Variants in CTNNA3 observed in about 807,000 individuals in gnomAD.
CTNNA3 encodes catenin alpha-3.
In CTNNA3, 76 loss-of-function variants were observed where a neutral mutation model predicts 95.7. The ratio of observed to expected loss-of-function variants is 0.79; its 90% CI spans 0.66 to 0.96. The LOEUF is 0.96. Ranked by LOEUF, CTNNA3 falls within the 40% of genes least tolerant of loss-of-function variation. CTNNA3 has a pLI of 0.00. For missense variants in CTNNA3, 1,191 were observed against 1,089.8 expected, an observed-to-expected ratio of 1.09 and a Z score of -1.31; for synonymous variants, 431 against 374.4, an observed-to-expected ratio of 1.15 and a Z score of -1.74.
chr10:66,669,245 A>C (rs1370180961), intron 9 of CTNNA3, among the ~76,000 whole-genome samples: 2 of 152,086 alleles, frequency 1.3e-5, no homozygotes, highest in Non-Finnish European at 2.9e-5. Context: ...AGATCATGTT[A>C]AAAGAAATCT....
rs887137391 is a variant in CTNNA3, at chr10:67,431,589, T to C, written c.579+90253A>G. Among the ~76,000 whole-genome samples the C allele has an allele frequency of 1.4e-4, 21 of 151,874 alleles. 1 individual carries two copies. Among genetic ancestry groups the C allele is most frequent in the African/African-American group, 4.3e-4 (18 of 41,448 alleles). ...AGATACGGGTACAAAATGCAGCAAA[T>C]GACAAGAAGATGCAGCCTGAAGGGT... On this transcript the variant is annotated intron_variant, in intron 5 of 17. Transcript: ENST00000433211.
chr10:66,403,524 C>G (rs1454181697), intron 11 of CTNNA3, among the ~76,000 whole-genome samples: 1 of 152,146 alleles, frequency 6.6e-6, no homozygotes, highest in Non-Finnish European at 1.5e-5. Context: ...AACTGACTCA[C>G]TATCATGAGA....
intron 7 of CTNNA3, among the ~76,000 whole-genome samples, chr10:67,107,874 C>G (rs1858733659): frequency 6.6e-6 from 1 of 152,180 alleles, no homozygotes; most frequent in Non-Finnish European, 1.5e-5. Context: ...CTGTGTGGAA[C>G]TTGGGATTCA....
chr10:67,651,665 T>G (rs1839881074), intron 1 of CTNNA3, among the ~76,000 whole-genome samples: 1 of 152,212 alleles, frequency 6.6e-6, no homozygotes, highest in East Asian at 1.9e-4. Flanking sequence ...TAATCTACCT[T>G]TTTCATTTCG....
chr10:66,775,239 A>T (rs1225624754), intron 8 of CTNNA3, among the ~76,000 whole-genome samples: 1 of 152,224 alleles, frequency 6.6e-6, no homozygotes, highest in Non-Finnish European at 1.5e-5. Context: ...CTGTCTGATA[A>T]GGCACACATT....
chr10:67,003,834 T>C (rs1455679544), intron 7 of CTNNA3, among the ~76,000 whole-genome samples: 1 of 152,050 alleles, frequency 6.6e-6, no homozygotes, highest in African/African-American at 2.4e-5. Context: ...TAGCAGAGGG[T>C]GGTTGATTTT....
At chr10:66,098,078 C>G (rs2081469559) in intron 14 of CTNNA3, 1 of 151,928 alleles carries the variant, frequency 6.6e-6, no homozygotes, top group Admixed American at 6.6e-5. Flanking sequence ...AAATGGTAAT[C>G]AACAAGCCAA....
intron 2 of CTNNA3, among the ~76,000 whole-genome samples, chr10:67,623,745 T>C (rs1330752239): frequency 6.6e-6 from 1 of 152,164 alleles, no homozygotes; most frequent in African/African-American, 2.4e-5. Flanking sequence ...AGCGCCATTC[T>C]ACCACATTGA....
At chr10:66,564,470 A>G (rs1257001181) in intron 10 of CTNNA3, among the ~76,000 whole-genome samples, 2 of 152,094 alleles carry the variant, frequency 1.3e-5, no homozygotes, top group East Asian at 3.9e-4. Context: ...AGCTTCTCCA[A>G]GCCTCTCTGC....
At chr10:66,288,770 G>A (rs2091632311) in intron 12 of CTNNA3, among the ~76,000 whole-genome samples, 1 of 152,034 alleles carries the variant, frequency 6.6e-6, no homozygotes, top group African/African-American at 2.4e-5. Flanking sequence ...TGTTGGATGA[G>A]TGATATCGGT....
Position 67,275,280 on chromosome 10 carries a change from C to T in CTNNA3, c.580-55410G>A, listed in dbSNP as rs188040282. 4.4e-3 allele frequency among the ~76,000 whole-genome samples: 677 copies of T among 152,262 alleles called. 3 individuals carry two copies. Among genetic ancestry groups the T allele is most frequent in the Non-Finnish European group, 6.0e-3 (407 of 68,022 alleles). ...GAATAAATAAGGTGCTAAATAACCA[C>T]ACGTGCACACATAAGTGGTGGAGCT... is the stretch of plus-strand genomic sequence containing the variant. On this transcript the variant is annotated intron_variant, in intron 5 of 17. Transcript: ENST00000433211.
chr10:66,367,850 TATAATAATAATAATAATAATA>T (rs201921395), intron 12 of CTNNA3, among the ~76,000 whole-genome samples: 6 of 100,266 alleles, frequency 6.0e-5, no homozygotes, highest in Non-Finnish European at 1.2e-4. Context: ...AGGCTTCTTT[TATAATAATAATAATAATAATA>T]ATAATAATAA....
At chr10:66,185,924 A>C (rs1346610423) in intron 13 of CTNNA3, among the ~76,000 whole-genome samples, 1 of 151,864 alleles carries the variant, frequency 6.6e-6, no homozygotes, top group Non-Finnish European at 1.5e-5. Flanking sequence ...CTCTCATCAC[A>C]CACTCTCTCT....
At chr10:67,368,679 A>G (rs1168026851) in intron 5 of CTNNA3, among the ~76,000 whole-genome samples, 6 of 152,226 alleles carry the variant, frequency 3.9e-5, no homozygotes, top group African/African-American at 1.2e-4. Flanking sequence ...CTATTTCACA[A>G]TATTTAAAAC....
At chr10:67,574,728 C>T (rs985473160) in intron 3 of CTNNA3, among the ~76,000 whole-genome samples, 1 of 151,788 alleles carries the variant, frequency 6.6e-6, no homozygotes, top group Admixed American at 6.6e-5. Context: ...CTACAGGCAC[C>T]CACCGCCATG....
At chr10:67,436,039 A>C (rs981945972) in intron 5 of CTNNA3, among the ~76,000 whole-genome samples, 5 of 152,138 alleles carry the variant, frequency 3.3e-5, no homozygotes, top group South Asian at 2.1e-4. Context: ...AAAAAGAACA[A>C]ATCTGGACAC....
rs528903208 is a variant in CTNNA3 at position 66,247,434 on chromosome 10, A to G, written c.1884+33036T>C. 9.2e-5 allele frequency among the ~76,000 whole-genome samples: 14 copies of G among 152,326 alleles called. No homozygotes were observed. The South Asian group carries it at 2.1e-3, about 23-fold the overall frequency. On this transcript the variant is annotated intron_variant, in intron 13 of 17. Coordinates refer to ENST00000433211, the MANE Select transcript of CTNNA3 (RefSeq NM_013266.4). ...TTCTATAGGATTAGAAAGTTAATTC[A>G]AAAGGATAATTTCAGAGAACTTCCA...
intron 12 of CTNNA3, among the ~76,000 whole-genome samples, chr10:66,369,991 T>G (rs966424345): frequency 1.3e-5 from 2 of 152,066 alleles, no homozygotes; most frequent in Non-Finnish European, 2.9e-5. Flanking sequence ...GGGGATGAAA[T>G]GGCTAAAGCT....
chr10:66,659,181 A>AACAGAC (rs550966177), intron 9 of CTNNA3, among the ~76,000 whole-genome samples: 84 of 145,676 alleles, frequency 5.8e-4, no homozygotes, highest in East Asian at 5.1e-3. Context: ...TAATTAAGAA[A>AACAGAC]ACACACACAC....
Sources: gnomAD v4.1 joint callset for allele counts (sites outside exome capture counted in the v4.1 genomes callset) on GRCh38, gnomAD v4.1.1 for gene constraint, MANE v1.5 for transcripts, NCBI Gene and HGNC (gene_info 2026-07-23, HGNC 2026-07-21) for gene names.